Variants in MYRIP observed in about 807,000 individuals in gnomAD.
MYRIP encodes the protein rab effector MyRIP.
A neutral mutation model predicts 98.0 loss-of-function variants in MYRIP; 49 were observed. The observed-to-expected ratio is 0.50, with a 90% CI of 0.40 to 0.63. The LOEUF is 0.63. MYRIP is among the 30% of genes least tolerant of loss of function. The pLI is 0.00. For missense variants in MYRIP, 1,004 were observed against 1,058.2 expected, an observed-to-expected ratio of 0.95 and a Z score of 0.71; for synonymous variants, 404 against 409.5, an observed-to-expected ratio of 0.99 and a Z score of 0.16.
At chr3:39,894,423 A>G (rs1575354098) in intron 1 of MYRIP, among the ~76,000 whole-genome samples, 1 of 152,154 alleles carries the variant, frequency 6.6e-6, no homozygotes, top group East Asian at 1.9e-4. Context: ...CAATATACCT[A>G]TACCGTTATA....
chr3:40,130,596 G>T (rs927237008), intron 3 of MYRIP, among the ~76,000 whole-genome samples: 16 of 151,722 alleles, frequency 1.1e-4, no homozygotes, highest in Non-Finnish European at 2.4e-4. Flanking sequence ...TAGCCAGGAT[G>T]GTCTCAATCT....
chr3:40,249,168 A>C (rs915224805), intron 13 of MYRIP, among the ~76,000 whole-genome samples: 4 of 152,214 alleles, frequency 2.6e-5, no homozygotes, highest in Admixed American at 6.5e-5. Flanking sequence ...TGGAGACCTC[A>C]TGTGTGGAGC....
intron 11 of MYRIP, among the ~76,000 whole-genome samples, chr3:40,227,247 G>A (rs1390902166): frequency 6.6e-6 from 1 of 152,088 alleles, no homozygotes; most frequent in Non-Finnish European, 1.5e-5. Context: ...GATGTTTGAG[G>A]GCCTGGTTTT....
Position 40,184,160 on chromosome 3 carries a change from A to G in MYRIP, c.1027+1787A>G, listed in dbSNP as rs1950964234. On this transcript the variant is annotated intron_variant, in intron 9 of 16. Coordinates refer to ENST00000302541, the MANE Select transcript of MYRIP (RefSeq NM_015460.4). ...CCCTCTGCCCTCCCAGTCTATTCAT[A>G]TTCATTCATTCATATTCTCGCTCTC... Among the ~76,000 whole-genome samples, 2 of 152,146 alleles carry G rather than the reference A, an allele frequency of 1.3e-5. 1 individual carries two copies. Among genetic ancestry groups the G allele is most frequent in the Non-Finnish European group, 2.9e-5 (2 of 68,014 alleles).
chr3:39,858,789 A>G (rs984460494), intron 1 of MYRIP, among the ~76,000 whole-genome samples: 1 of 152,086 alleles, frequency 6.6e-6, no homozygotes, highest in East Asian at 1.9e-4. Flanking sequence ...TGAACAACCA[A>G]TGGGTCAAAT....
chr3:40,225,133 C>G lies in MYRIP; in HGVS notation c.1906-8726C>G, dbSNP rs184241738. 4.1e-3 allele frequency among the ~76,000 whole-genome samples: 630 copies of G among 152,330 alleles called. 4 individuals carry two copies. The highest frequency in any genetic ancestry group is 6.8e-3 in the Admixed American group (104 of 15,298). On this transcript the variant is annotated intron_variant, in intron 11 of 16. Transcript: ENST00000302541. The stretch of plus-strand genomic sequence containing the variant: ...CTCTGGTAGTTTGATGGAAGCATTT[C>G]TTAAAGCCAAGACAGCATCTGTAAT...
At chr3:40,252,146 G>A (rs993037873) in intron 16 of MYRIP, 147 bp downstream of exon 16, 5 of 649,920 alleles carry the variant, frequency 7.7e-6, no homozygotes, top group African/African-American at 7.3e-5. Flanking sequence ...TTTGACTGGG[G>A]GGTGGACTTA....
At chr3:39,998,674 C>G (rs1946434073) in intron 2 of MYRIP, among the ~76,000 whole-genome samples, 2 of 151,822 alleles carry the variant, frequency 1.3e-5, no homozygotes, top group Non-Finnish European at 2.9e-5. Flanking sequence ...ATTGGAAAAA[C>G]TACTTTAAAG....
chr3:40,010,580 T>C (rs969210799), intron 2 of MYRIP, among the ~76,000 whole-genome samples: 1 of 152,210 alleles, frequency 6.6e-6, no homozygotes, highest in African/African-American at 2.4e-5. Context: ...CATGTAAAGA[T>C]AGATGCTTTA....
chr3:40,195,422 AGCTGG>A (rs974985592), intron 10 of MYRIP, among the ~76,000 whole-genome samples: 5 of 152,126 alleles, frequency 3.3e-5, no homozygotes, highest in Non-Finnish European at 5.9e-5. Flanking sequence ...CTTCCCAAGT[AGCTGG>A]GACTATAGGA....
intron 1 of MYRIP, among the ~76,000 whole-genome samples, chr3:39,820,311 A>C (rs1374589799): frequency 6.6e-6 from 1 of 152,228 alleles, no homozygotes; most frequent in Non-Finnish European, 1.5e-5. Context: ...CTAGTCTGTC[A>C]AGCCCAGATG....
At chr3:40,078,732 C>G (rs1254940070) in intron 3 of MYRIP, among the ~76,000 whole-genome samples, 2 of 152,176 alleles carry the variant, frequency 1.3e-5, no homozygotes, top group Non-Finnish European at 2.9e-5. Context: ...CAGATTAGCA[C>G]TTGTAAAATC....
chr3:40,142,348 C>T (rs768897361), intron 3 of MYRIP, among the ~76,000 whole-genome samples: 2 of 151,746 alleles, frequency 1.3e-5, no homozygotes, highest in African/African-American at 2.4e-5. Flanking sequence ...CCACCGCACC[C>T]GGCCTGCTGT....
intron 1 of MYRIP, among the ~76,000 whole-genome samples, chr3:39,865,229 A>G (rs552649140): frequency 2.6e-4 from 40 of 152,118 alleles, no homozygotes; most frequent in Non-Finnish European, 5.1e-4. Flanking sequence ...ATACCATTCC[A>G]CATGTATAAC....
chr3:40,057,793 A>G (rs1947913511), intron 3 of MYRIP, among the ~76,000 whole-genome samples: 1 of 152,168 alleles, frequency 6.6e-6, no homozygotes, highest in Admixed American at 6.6e-5. Context: ...TCCATCCTAT[A>G]TCCATGCATT....
At chr3:39,983,157 C>T (rs866087076) in intron 2 of MYRIP, among the ~76,000 whole-genome samples, 3 of 152,188 alleles carry the variant, frequency 2.0e-5, no homozygotes, top group Admixed American at 6.5e-5. Flanking sequence ...TTGAAAATGT[C>T]GGCCTGGATT....
At chr3:40,106,376 T>C (rs1268998576) in intron 3 of MYRIP, among the ~76,000 whole-genome samples, 3 of 151,572 alleles carry the variant, frequency 2.0e-5, no homozygotes, top group African/African-American at 7.3e-5. Flanking sequence ...TGCAAGTCGT[T>C]TGAATTTTTA....
chr3:40,164,325 T>C (rs1950460445), intron 5 of MYRIP, among the ~76,000 whole-genome samples: 1 of 152,214 alleles, frequency 6.6e-6, no homozygotes. Context: ...TATATATGTA[T>C]GTACATGCAC....
intron 7 of MYRIP, among the ~76,000 whole-genome samples, chr3:40,168,512 G>A (rs1318226932): frequency 2.0e-5 from 3 of 152,160 alleles, no homozygotes; most frequent in East Asian, 1.9e-4. Context: ...TCCCACCATC[G>A]TAAAGTCCAA....
Sources: gnomAD v4.1 joint callset for allele counts (sites outside exome capture counted in the v4.1 genomes callset) on GRCh38, gnomAD v4.1.1 for gene constraint, MANE v1.5 for transcripts, NCBI Gene and HGNC (gene_info 2026-07-23, HGNC 2026-07-21) for gene names.